Variants in NRG2 observed in about 807,000 individuals in gnomAD.
The protein encoded by NRG2 is pro-neuregulin-2, membrane-bound isoform.
In NRG2, 27 loss-of-function variants were observed where a neutral mutation model predicts 73.9. The observed-to-expected ratio is 0.37, with a 90% CI of 0.27 to 0.50. The LOEUF (loss-of-function observed/expected upper bound fraction) is 0.50. Among genes scored for constraint, NRG2 ranks in the 20% least tolerant of loss-of-function variants. NRG2 has a pLI of 0.96. For missense variants in NRG2, 1,126 were observed against 1,210.1 expected (o/e 0.93, Z 1.03); for synonymous variants, 532 against 541.0 (o/e 0.98, Z 0.23).
intron 1 of NRG2, among the ~76,000 whole-genome samples, chr5:140,006,907 G>A (rs1373523567): frequency 6.6e-6 from 1 of 152,146 alleles, no homozygotes; most frequent in Non-Finnish European, 1.5e-5. Flanking sequence ...TCTTCCGTGA[G>A]TCAGAAGTGA....
intron 1 of NRG2, among the ~76,000 whole-genome samples, chr5:139,951,693 C>T (rs920570687): frequency 6.6e-6 from 1 of 152,254 alleles, no homozygotes; most frequent in Non-Finnish European, 1.5e-5. Context: ...GCTTTCTCAA[C>T]TCCTAATTGT....
intron 1 of NRG2, among the ~76,000 whole-genome samples, chr5:139,914,998 C>T (rs529197819): frequency 6.6e-6 from 1 of 152,334 alleles, no homozygotes; most frequent in Admixed American, 6.5e-5. Flanking sequence ...GCCTTTGTCA[C>T]CTCATCTTTC....
At chr5:139,877,377 G>C (rs1229446314) in intron 3 of NRG2, among the ~76,000 whole-genome samples, 1 of 152,228 alleles carries the variant, frequency 6.6e-6, no homozygotes, top group Non-Finnish European at 1.5e-5. Flanking sequence ...GCAGCCTGCT[G>C]CTCCCCAATG....
At position 139,852,309 on chromosome 5, in the gene NRG2, G is replaced by T; in HGVS notation, c.1544+123C>A. On this transcript the variant is annotated intron_variant, in intron 8 of 9. Coordinates refer to ENST00000361474, the MANE Select transcript of NRG2 (RefSeq NM_004883.3). This position sits in a 1 kb window ranked among gnomAD's most constrained non-coding sequence, Gnocchi z 4.4. ...TCTGGAGAGGAGGCTAAGGTGTGCT[G>T]TGATTCCTGTGGCAAGCTCAGGGGA... 8 of 1,249,822 alleles carry T rather than the reference G, an allele frequency of 6.4e-6. No individual in the cohort carries two copies. Among genetic ancestry groups the T allele is most frequent in the Non-Finnish European group, 8.9e-6 (8 of 903,142 alleles). 77.4% of individuals were successfully genotyped at this position (1,249,822 alleles called of 1,614,324 possible). A position where few individuals can be genotyped will look rare whatever the true frequency, so the allele number is the denominator to read the frequency against.
intron 5 of NRG2, 150 bp from the exon 6 acceptor site, chr5:139,855,928 C>T (rs370314068): frequency 9.4e-6 from 6 of 637,900 alleles, no homozygotes; most frequent in East Asian, 5.5e-5. Context: ...CAGCCAGTTC[C>T]TTCCCTCCTA....
chr5:140,043,002 C>T lies in NRG2; in HGVS notation c.68G>A (p.Ser23Asn). The T allele has an allele frequency of 6.4e-7, 1 of 1,566,708 alleles. No individual in the cohort carries two copies. Among genetic ancestry groups the T allele is most frequent in the Non-Finnish European group, 8.6e-7 (1 of 1,161,206 alleles). Residue 23 changes from serine to asparagine, a missense_variant, in exon 1 of 10, where the codon AGC becomes AAC. Ser to Asn is a conservative substitution (Grantham distance 46). Coordinates refer to ENST00000361474, the MANE Select transcript of NRG2 (RefSeq NM_004883.3). The surrounding 1 kb of genome is among the most constrained non-coding windows in gnomAD (Gnocchi z 6.7). ...PLEKGRCSSY[S>N]DSSSSSSERS... ...CTCGCTGCTGCTGCTGCTGCTGTCGCTGTAGCTGCTGCACCGACCCTTCTC... is the reference window on the plus strand; with the variant it reads ...CTCGCTGCTGCTGCTGCTGCTGTCGTTGTAGCTGCTGCACCGACCCTTCTC...
Position 140,042,434 on chromosome 5 carries a change from G to C in NRG2, c.636C>G (p.Ala212=). The C allele has an allele frequency of 1.9e-6, 3 of 1,610,082 alleles. No homozygotes were observed. The highest frequency in any genetic ancestry group is 2.5e-6 in the Non-Finnish European group (3 of 1,178,264). The change falls in exon 1 of 10, where the codon GCC becomes GCG. Residue 212 remains alanine, a synonymous_variant. Transcript: ENST00000361474. ...EQPLVFKTAF[A]PLDTNGKNLK... ...GATTTTTGCCGTTGGTATCGAGGGG[G>C]GCAAAGGCCGTCTTAAAGACTAAGG...
At chr5:139,850,823 A>G (rs1487887773) in intron 9 of NRG2, among the ~76,000 whole-genome samples, 1 of 152,186 alleles carries the variant, frequency 6.6e-6, no homozygotes, top group Non-Finnish European at 1.5e-5. Context: ...AAGGCCTGCC[A>G]TCATTCTTGG....
At chr5:140,037,950 T>C (rs57248030) in intron 1 of NRG2, among the ~76,000 whole-genome samples, 5 of 138,204 alleles carry the variant, frequency 3.6e-5, no homozygotes, top group African/African-American at 1.3e-4. Flanking sequence ...AAACATTGTG[T>C]TTTTAGAGAA....
chr5:139,917,669 A>AT (rs931731543), intron 1 of NRG2, among the ~76,000 whole-genome samples: 2 of 151,880 alleles, frequency 1.3e-5, no homozygotes, highest in Non-Finnish European at 2.9e-5. Context: ...TCCTTGACTC[A>AT]TTTTTTCCCC....
At chr5:140,011,528 T>C (rs1759367951) in intron 1 of NRG2, among the ~76,000 whole-genome samples, 1 of 152,058 alleles carries the variant, frequency 6.6e-6, no homozygotes, top group African/African-American at 2.4e-5. Flanking sequence ...CCACCCTTTC[T>C]CTCTCTCTCT....
chr5:139,864,901 G>A, intron 5 of NRG2: 1 of 624,934 alleles, frequency 1.6e-6, no homozygotes, highest in Non-Finnish European at 2.9e-6. Context: ...CCTGGGTGTG[G>A]CCCTGGCTGC....
chr5:139,891,351 G>A (rs948577945), intron 1 of NRG2, among the ~76,000 whole-genome samples: 3 of 152,128 alleles, frequency 2.0e-5, no homozygotes, highest in East Asian at 3.9e-4. Context: ...AGTAATCGCC[G>A]GCCACCAATG....
chr5:140,025,344 T>G (rs1760601105), intron 1 of NRG2, among the ~76,000 whole-genome samples: 1 of 152,148 alleles, frequency 6.6e-6, no homozygotes, highest in East Asian at 1.9e-4. Flanking sequence ...TAAATAAGCC[T>G]CGATTCTGAA....
intron 1 of NRG2, among the ~76,000 whole-genome samples, chr5:139,957,322 T>C (rs1411481620): frequency 6.6e-6 from 1 of 151,038 alleles, no homozygotes; most frequent in Non-Finnish European, 1.5e-5. Context: ...TGTGTGTGTG[T>C]GTGTGTGTGT....
intron 1 of NRG2, among the ~76,000 whole-genome samples, chr5:140,034,954 G>A (rs1761398584): frequency 6.6e-6 from 1 of 152,144 alleles, no homozygotes; most frequent in Non-Finnish European, 1.5e-5. Flanking sequence ...GGACGCAGTG[G>A]CTCACACCTG....
intron 5 of NRG2, among the ~76,000 whole-genome samples, chr5:139,861,172 C>T (rs1365599867): frequency 6.6e-6 from 1 of 152,200 alleles, no homozygotes; most frequent in Non-Finnish European, 1.5e-5. Flanking sequence ...GTGAACAAGC[C>T]TGGACGGCAT....
intron 1 of NRG2, among the ~76,000 whole-genome samples, chr5:139,890,287 G>T (rs1764122676): frequency 1.3e-5 from 2 of 151,936 alleles, no homozygotes; most frequent in South Asian, 4.1e-4. Context: ...TTTTTGAATT[G>T]CCTGTTCATG....
At chr5:139,987,844 G>C (rs917415027) in intron 1 of NRG2, among the ~76,000 whole-genome samples, 1 of 145,944 alleles carries the variant, frequency 6.9e-6, no homozygotes, top group Non-Finnish European at 1.5e-5. Context: ...GTGCGATCTC[G>C]GCTCACTGCA....
Sources: gnomAD v4.1 joint callset for allele counts (sites outside exome capture counted in the v4.1 genomes callset) on GRCh38, gnomAD v4.1.1 for gene constraint, Gnocchi (gnomAD v3.1) non-coding constraint, MANE v1.5 for transcripts, NCBI Gene and HGNC (gene_info 2026-07-23, HGNC 2026-07-21) for gene names.